Variants in ECE2 observed in about 807,000 individuals in gnomAD.
ECE2 encodes the protein endothelin converting enzyme 2, also known as endothelin-converting enzyme 2.
ECE2 carries 81 observed loss-of-function variants against 100.6 expected under a neutral mutation model. The ratio of observed to expected loss-of-function variants is 0.81; its 90% CI spans 0.67 to 0.97. ECE2 has a LOEUF of 0.97. ECE2 is among the 50% of genes least tolerant of loss of function. The probability of loss-of-function intolerance (pLI) is 0.00; values close to 1 mark genes in which losing one functional copy is unlikely to be tolerated. For missense variants in ECE2, 911 were observed against 988.1 expected, an observed-to-expected ratio of 0.92 and a Z score of 1.05; for synonymous variants, 391 against 391.5, an observed-to-expected ratio of 1.00 and a Z score of 0.02.
Position 184,278,275 on chromosome 3 carries a change from A to G in ECE2, c.712A>G (p.Ser238Gly), listed in dbSNP as rs895169980. 3 of 1,614,022 alleles carry G rather than the reference A, an allele frequency of 1.9e-6. No homozygotes were observed. The highest frequency in any genetic ancestry group is 2.5e-6 in the Non-Finnish European group (3 of 1,180,008). The change falls in exon 6 of 19, where the codon AGT becomes GGT. Residue 238 changes from serine to glycine, a missense_variant. Transcript: ENST00000404464. ...RATPFFTVYI[S>G]ADSKSSNSNV... ...CACCCCATTCTTCACCGTCTACATC[A>G]GTGCCGACTCTAAGAGTTCCAACAG...
At position 184,291,828 on chromosome 3, in the gene ECE2, A is replaced by G. The variant is rs192645695; in HGVS notation, c.2122-234A>G. 394 of 568,472 alleles carry G rather than the reference A, an allele frequency of 6.9e-4. 4 individuals carry two copies. In the African/African-American group the frequency reaches 7.1e-3, roughly 10 times the overall value. The allele number at this position is 568,472 out of a possible 1,614,324, so 35.2% of individuals were successfully genotyped here. ...TGCCCAGGAATAGAGTAAGTGGCAG[A>G]GCAAGGACCCAGGCAGAGCCTCCGC... On this transcript the variant is annotated intron_variant, in intron 18 of 18. Coordinates refer to ENST00000404464, the MANE Select transcript of ECE2 (RefSeq NM_001100121.2). This position sits in a 1 kb window ranked among gnomAD's most constrained non-coding sequence, Gnocchi z 4.1.
chr3:184,286,351 G>A (rs1030301360), intron 10 of ECE2, among the ~76,000 whole-genome samples: 26 of 152,256 alleles, frequency 1.7e-4, no homozygotes, highest in African/African-American at 5.1e-4. Context: ...TGGGAAGTCC[G>A]GCCTTGATTC....
Position 184,289,314 on chromosome 3 carries a change from A to C in ECE2, c.1375-123A>C. On this transcript the variant is annotated intron_variant, in intron 11 of 18. Transcript: ENST00000404464. The surrounding 1 kb of genome is among the most constrained non-coding windows in gnomAD (Gnocchi z 4.1). ...TCATCGTCTCCAGGTGCTCAGCCGT[A>C]TTTCTTTAGTCTAGACGTTCCCATT... The C allele has an allele frequency of 1.2e-6, 1 of 812,214 alleles. No homozygotes were observed. Among genetic ancestry groups the C allele is most frequent in the South Asian group, 1.7e-5 (1 of 59,560 alleles). The allele number at this position is 812,214 out of a possible 1,614,324, so 50.3% of individuals were successfully genotyped here.
rs1000292877 is a variant in ECE2 at position 184,289,907 on chromosome 3, T to C, written c.1551+189T>C. On this transcript the variant is annotated intron_variant, in intron 13 of 18. Transcript: ENST00000404464. This position sits in a 1 kb window ranked among gnomAD's most constrained non-coding sequence, Gnocchi z 4.1. ...CTGCAGGCCAAACAGCAGTGAAATA[T>C]AGTGCTAACGAGCCAAGATTTGGAG... Among the ~76,000 whole-genome samples the C allele has an allele frequency of 6.6e-6, 1 of 152,210 alleles. No homozygotes were observed. The highest frequency in any genetic ancestry group is 2.4e-5 in the African/African-American group (1 of 41,454).
At chr3:184,278,761 T>C in intron 7 of ECE2, 1 of 607,300 alleles carries the variant, frequency 1.6e-6, no homozygotes, top group African/African-American at 1.9e-5. Flanking sequence ...CCTCTTATTC[T>C]TCTAGTAGGT....
intron 10 of ECE2, among the ~76,000 whole-genome samples, chr3:184,287,627 A>G (rs1029158137): frequency 6.6e-6 from 1 of 152,038 alleles, no homozygotes; most frequent in Admixed American, 6.5e-5. Context: ...CCCAGGGGAC[A>G]GAGGTTGCAG....
chr3:184,284,890 T>G, intron 8 of ECE2, 73 bp from the exon 9 acceptor site: 2 of 1,560,058 alleles, frequency 1.3e-6, no homozygotes, highest in Non-Finnish European at 1.7e-6. Context: ...GCTCCCAGGC[T>G]ACAGCATACA....
chr3:184,288,196 G>A (rs1467980080), intron 11 of ECE2, among the ~76,000 whole-genome samples: 1 of 151,298 alleles, frequency 6.6e-6, no homozygotes, highest in Non-Finnish European at 1.5e-5. Context: ...TGTAATCCCA[G>A]CTACTTGGGA....
At chr3:184,283,406 C>CA (rs1720887173) in intron 7 of ECE2, among the ~76,000 whole-genome samples, 1 of 150,686 alleles carries the variant, frequency 6.6e-6, no homozygotes, top group Admixed American at 6.6e-5. Flanking sequence ...ACTAAAAATA[C>CA]AAAAAATTAG....
In ECE2 at chr3:184,291,684, G is replaced by A. The variant is rs775394636; in HGVS notation, c.2121+245G>A. 28 of 522,658 alleles carry A rather than the reference G, an allele frequency of 5.4e-5. No individual in the cohort carries two copies. Among genetic ancestry groups the A allele is most frequent in the Middle Eastern group, 9.8e-4 (2 of 2,034 alleles). 32.4% of individuals were successfully genotyped at this position (522,658 alleles called of 1,614,324 possible). On this transcript the variant is annotated intron_variant, in intron 18 of 18. Transcript: ENST00000404464. This position sits in a 1 kb window ranked among gnomAD's most constrained non-coding sequence, Gnocchi z 4.1. ...GATTTCGCATAGTTCAAAGGGCAAG[G>A]TTGTCGTGCTTGCGGGGCACAGGGT...
chr3:184,284,836 G>A (rs1289336639), intron 8 of ECE2, 127 bp from the exon 9 acceptor site: 32 of 1,264,782 alleles, frequency 2.5e-5, no homozygotes, highest in Non-Finnish European at 3.4e-5. Context: ...TTACAGGAAG[G>A]ATACACCATG....
intron 16 of ECE2, 55 bp from the exon 17 acceptor site, chr3:184,290,985 G>A (rs201454156): frequency 3.1e-4 from 485 of 1,562,150 alleles, no homozygotes; most frequent in Non-Finnish European, 3.9e-4. Context: ...GGGCACTGCT[G>A]CCCCCAAGAG....
chr3:184,286,278 A>G (rs1721033228), intron 10 of ECE2, among the ~76,000 whole-genome samples: 1 of 152,190 alleles, frequency 6.6e-6, no homozygotes, highest in Admixed American at 6.5e-5. Context: ...GAAGAGGGCA[A>G]CTGAGAGACG....
rs369231995 is a variant in ECE2 at position 184,277,377 on chromosome 3, G to A, written c.389G>A (p.Arg130Gln). 2.4e-5 allele frequency: 39 copies of A among 1,614,236 alleles called. No homozygotes were observed. Among genetic ancestry groups the A allele is most frequent in the South Asian group, 4.4e-5 (4 of 91,086 alleles). ...FYQFSCGGWIRRNPLPDGRSR... is the reference protein window; with the variant it reads ...FYQFSCGGWIQRNPLPDGRSR... Reference sequence around the variant, plus strand: ...CAGTTCTCCTGTGGGGGCTGGATTCGGAGGAACCCCCTGCCCGATGGGCGT... The same window carrying A: ...CAGTTCTCCTGTGGGGGCTGGATTCAGAGGAACCCCCTGCCCGATGGGCGT... The change falls in exon 4 of 19, where the codon CGG becomes CAG. Residue 130 changes from arginine to glutamine, a missense_variant. By Grantham distance (43) the Arg-to-Gln change is conservative. Coordinates refer to ENST00000404464, the MANE Select transcript of ECE2 (RefSeq NM_001100121.2).
rs376005735 is a variant in ECE2 at position 184,277,048 on chromosome 3, C to T, written c.262+21C>T. 5.9e-5 allele frequency: 96 copies of T among 1,613,558 alleles called. No individual in the cohort carries two copies. The African/African-American group carries it at 6.7e-4, about 11-fold the overall frequency. On this transcript the variant is annotated intron_variant, in intron 3 of 18. Transcript: ENST00000404464. ...CAGAGGTAGGTGGGCCCACACTCTT[C>T]GTCAGTATTCATAACTAGGGGTTCT...
rs538110750 is a variant in ECE2 at position 184,289,294 on chromosome 3, G to A, written c.1375-143G>A. The A allele has an allele frequency of 5.8e-6, 4 of 686,956 alleles. No homozygotes were observed. The South Asian group carries it at 5.9e-5, about 10-fold the overall frequency. The allele number at this position is 686,956 out of a possible 1,614,324, so 42.6% of individuals were successfully genotyped here. A position where few individuals can be genotyped will look rare whatever the true frequency, so the allele number is the denominator to read the frequency against. ...TTACAAATGGTGTTTCCTTCTCATC[G>A]TCTCCAGGTGCTCAGCCGTATTTCT... On this transcript the variant is annotated intron_variant, in intron 11 of 18. Coordinates refer to ENST00000404464, the MANE Select transcript of ECE2 (RefSeq NM_001100121.2). This position sits in a 1 kb window ranked among gnomAD's most constrained non-coding sequence, Gnocchi z 4.1.
intron 7 of ECE2, among the ~76,000 whole-genome samples, chr3:184,282,938 A>G (rs565219498): frequency 6.6e-6 from 1 of 152,284 alleles, no homozygotes. Context: ...ACCAGCGGGT[A>G]GTGGAGAAAG....
At position 184,277,281 on chromosome 3, in the gene ECE2, C is replaced by T; in HGVS notation, c.293C>T (p.Ala98Val). The part of the protein sequence containing the change: ...DPSHSTCLTE[A>V]CIRVAGKILE... ...TCCCACAGCACCTGCCTTACAGAGG[C>T]CTGCATTCGAGTGGCTGGAAAAATC... Residue 98 changes from alanine (A) to valine (V), a missense_variant, in exon 4 of 19, where the codon GCC (alanine) becomes GTC (valine). Ala to Val is a moderately conservative substitution (Grantham distance 64, BLOSUM62 0). Coordinates refer to ENST00000404464, the MANE Select transcript of ECE2 (RefSeq NM_001100121.2). 1 of 1,614,230 alleles carries T rather than the reference C, an allele frequency of 6.2e-7. No homozygotes were observed.
chr3:184,281,287 T>C (rs1330364607), intron 7 of ECE2, among the ~76,000 whole-genome samples: 1 of 152,234 alleles, frequency 6.6e-6, no homozygotes, highest in East Asian at 1.9e-4. Context: ...TGTTTCCAGT[T>C]GTTGGGACTA....
Sources: gnomAD v4.1 joint callset for allele counts (sites outside exome capture counted in the v4.1 genomes callset) on GRCh38, gnomAD v4.1.1 for gene constraint, Gnocchi (gnomAD v3.1) non-coding constraint, MANE v1.5 for transcripts, NCBI Gene and HGNC (gene_info 2026-07-23, HGNC 2026-07-21) for gene names.